Variants in TIMM23 observed in about 807,000 individuals in gnomAD.
TIMM23 encodes translocase of inner mitochondrial membrane 23, also known as mitochondrial import inner membrane translocase subunit Tim23.
In TIMM23, 19 loss-of-function variants were observed where a neutral mutation model predicts 30.7. That is an observed-to-expected ratio of 0.62 (90% confidence interval 0.43 to 0.91). TIMM23 has a LOEUF of 0.91. Among genes scored for constraint, TIMM23 ranks in the 40% least tolerant of loss-of-function variants. The probability of loss-of-function intolerance (pLI) is 0.00; values close to 1 mark genes in which losing one functional copy is unlikely to be tolerated. For missense variants in TIMM23, 202 were observed against 269.2 expected (o/e 0.75, Z 1.75); for synonymous variants, 78 against 98.5 (o/e 0.79, Z 1.23).
intron 4 of TIMM23, chr10:45,984,960 C>T (rs1334825474): frequency 1.1e-5 from 2 of 188,154 alleles, no homozygotes; most frequent in Admixed American, 1.1e-4. Flanking sequence ...ATATGTTCCC[C>T]TCCCAAAAAG....
chr10:45,994,700 C>T (rs1233438032), intron 6 of TIMM23, among the ~76,000 whole-genome samples: 8 of 141,888 alleles, frequency 5.6e-5, no homozygotes, highest in Non-Finnish European at 1.1e-4. Context: ...GCCTTGGCCT[C>T]CCAAGTATTG....
intron 6 of TIMM23, among the ~76,000 whole-genome samples, chr10:45,998,593 G>A (rs981483475): frequency 2.0e-5 from 3 of 152,116 alleles, no homozygotes; most frequent in Non-Finnish European, 4.4e-5. Flanking sequence ...TGGAATTAAC[G>A]GAAACAGTTA....
chr10:45,988,834 G>A lies in TIMM23; in HGVS notation c.501G>A (p.Leu167=), dbSNP rs1838073330. 1 of 1,613,026 alleles carries A rather than the reference G, an allele frequency of 6.2e-7. No individual in the cohort carries two copies. The highest frequency in any genetic ancestry group is 1.7e-5 in the Admixed American group (1 of 59,990). The part of the protein sequence containing the change: ...TVAAGTMTGM[L]YKCTGGLRGI... ...CAGCTGGAACCATGACAGGCATGTT[G>A]TATAAATGTACAGGTGAGTACTGTT... is the stretch of plus-strand genomic sequence containing the variant. Residue 167 remains leucine (L), a synonymous_variant, in exon 6 of 7, where the codon TTG becomes TTA. Coordinates refer to ENST00000580018, the MANE Select transcript of TIMM23 (RefSeq NM_006327.4).
chr10:45,981,538 A>G (rs1471688465), intron 2 of TIMM23, among the ~76,000 whole-genome samples: 80 of 151,986 alleles, frequency 5.3e-4, no homozygotes, highest in Admixed American at 2.4e-3. Context: ...TACTTTTGCA[A>G]TTTTTGGTGA....
intron 3 of TIMM23, 68 bp downstream of exon 3, chr10:45,982,684 G>C: frequency 6.3e-7 from 1 of 1,597,462 alleles, no homozygotes; most frequent in Non-Finnish European, 8.6e-7. Flanking sequence ...AAAATCAAAA[G>C]CAATTAGAAT....
chr10:45,995,193 G>A (rs1838290918), intron 6 of TIMM23, among the ~76,000 whole-genome samples: 1 of 151,922 alleles, frequency 6.6e-6, no homozygotes, highest in South Asian at 2.1e-4. Context: ...CATAATTTAT[G>A]TTGGAGGTGT....
At chr10:45,991,442 A>C (rs1251950980) in intron 6 of TIMM23, among the ~76,000 whole-genome samples, 2 of 152,132 alleles carry the variant, frequency 1.3e-5, no homozygotes, top group Non-Finnish European at 2.9e-5. Context: ...ATGGTGAGGA[A>C]AAGGTTGAAA....
intron 6 of TIMM23, among the ~76,000 whole-genome samples, chr10:45,993,701 G>T (rs1838240927): frequency 6.6e-6 from 1 of 151,164 alleles, no homozygotes; most frequent in South Asian, 2.1e-4. Flanking sequence ...TAAATGAAAT[G>T]AAATAATAAA....
At chr10:45,989,303 AGAAT>A (rs1198612764) in intron 6 of TIMM23, among the ~76,000 whole-genome samples, 1 of 152,234 alleles carries the variant, frequency 6.6e-6, no homozygotes, top group Admixed American at 6.5e-5. Context: ...TGCATGTGCC[AGAAT>A]TCCCTTCCTT....
intron 1 of TIMM23, among the ~76,000 whole-genome samples, chr10:45,974,506 G>C (rs1203769193): frequency 5.3e-5 from 8 of 152,184 alleles, no homozygotes; most frequent in African/African-American, 1.9e-4. Flanking sequence ...AGTTACAAGG[G>C]AGTTGGATCC....
At chr10:45,981,372 C>CA (rs1203302614) in intron 2 of TIMM23, among the ~76,000 whole-genome samples, 2 of 147,978 alleles carry the variant, frequency 1.4e-5, no homozygotes, top group Non-Finnish European at 3.0e-5. Context: ...TCTAAAAACT[C>CA]AAACAAAAAG....
chr10:45,982,473 A>G, intron 2 of TIMM23, 50 bp from the exon 3 acceptor site: 1 of 1,589,728 alleles, frequency 6.3e-7, no homozygotes, highest in Non-Finnish European at 8.6e-7. Flanking sequence ...ACTTTACAAG[A>G]TTTGTGTCTT....
intron 5 of TIMM23, among the ~76,000 whole-genome samples, chr10:45,985,842 C>T (rs78029328): frequency 2.6e-5 from 4 of 152,112 alleles, no homozygotes; most frequent in East Asian, 1.9e-4. Context: ...TCTTAATAGC[C>T]GGTTCATTAG....
chr10:45,975,380 C>T (rs1837637901), intron 1 of TIMM23, 74 bp from the exon 2 acceptor site: 62 of 1,541,472 alleles, frequency 4.0e-5, no homozygotes, highest in Non-Finnish European at 5.5e-5. Flanking sequence ...ATGTAACAGT[C>T]AGGAGCTGGA....
At chr10:45,983,942 C>T (rs1286401434) in intron 4 of TIMM23, among the ~76,000 whole-genome samples, 1 of 152,146 alleles carries the variant, frequency 6.6e-6, no homozygotes, top group Non-Finnish European at 1.5e-5. Context: ...CGGGGTCTCA[C>T]TGTATTGCTC....
intron 2 of TIMM23, among the ~76,000 whole-genome samples, chr10:45,979,916 G>A (rs1837794368): frequency 6.6e-6 from 1 of 152,002 alleles, no homozygotes; most frequent in Admixed American, 6.6e-5. Flanking sequence ...ACACTTAGAG[G>A]TTGTACTCTA....
At chr10:45,983,933 G>A (rs1273311500) in intron 4 of TIMM23, among the ~76,000 whole-genome samples, 8 of 151,948 alleles carry the variant, frequency 5.3e-5, no homozygotes, top group Middle Eastern at 3.2e-3. Flanking sequence ...TTGTAGAGAC[G>A]GGGTCTCACT....
chr10:45,976,565 C>T (rs1554913159), intron 2 of TIMM23, among the ~76,000 whole-genome samples: 1 of 152,122 alleles, frequency 6.6e-6, no homozygotes, highest in African/African-American at 2.4e-5. Flanking sequence ...GAGCTGAGAA[C>T]ACCCCACTAC....
In TIMM23 at chr10:45,988,805, G is replaced by A; in HGVS notation, c.472G>A (p.Val158Ile). ...TRGAEDDLNT[V>I]AAGTMTGMLY... ...AGGTGCAGAAGATGACCTTAACACA[G>A]TAGCAGCTGGAACCATGACAGGCAT... is the stretch of plus-strand genomic sequence containing the variant. The change falls in exon 6 of 7, where the codon GTA (valine) becomes ATA (isoleucine). Residue 158 changes from valine to isoleucine, a missense_variant. By Grantham distance (29) the Val-to-Ile change is conservative. Transcript: ENST00000580018. The A allele has an allele frequency of 6.2e-7, 1 of 1,613,830 alleles. No homozygotes were observed. The highest frequency in any genetic ancestry group is 8.5e-7 in the Non-Finnish European group (1 of 1,179,738).
Sources: gnomAD v4.1 joint callset for allele counts (sites outside exome capture counted in the v4.1 genomes callset) on GRCh38, gnomAD v4.1.1 for gene constraint, MANE v1.5 for transcripts, NCBI Gene and HGNC (gene_info 2026-07-23, HGNC 2026-07-21) for gene names.